SF3B3: variants seen among roughly 807,000 people sequenced by gnomAD.
The protein encoded by SF3B3 is SAP 130.
In SF3B3, 33 loss-of-function variants were observed where a neutral mutation model predicts 139.2. The ratio of observed to expected loss-of-function variants is 0.24; its 90% CI spans 0.18 to 0.32. The LOEUF (loss-of-function observed/expected upper bound fraction) is 0.32, where lower values mean the gene tolerates loss of function less well. Among genes scored for constraint, SF3B3 ranks in the 10% least tolerant of loss-of-function variants. The pLI is 1.00. For missense variants in SF3B3, 818 were observed against 1,509.4 expected (o/e 0.54, Z 7.59); for synonymous variants, 596 against 563.6 (o/e 1.06, Z -0.81).
chr16:70,534,143 C>T (rs1037286357), intron 5 of SF3B3, among the ~76,000 whole-genome samples: 1 of 152,180 alleles, frequency 6.6e-6, no homozygotes, highest in African/African-American at 2.4e-5. Context: ...TTGCTGGAGT[C>T]TCTAAGCTGA....
intron 11 of SF3B3, among the ~76,000 whole-genome samples, chr16:70,551,769 C>T (rs939243672): frequency 1.3e-4 from 20 of 152,082 alleles, no homozygotes; most frequent in Non-Finnish European, 2.8e-4. Context: ...GTCTTGAGCT[C>T]CTGAACTCAA....
At chr16:70,528,045 G>C (rs559601108) in intron 2 of SF3B3, among the ~76,000 whole-genome samples, 1 of 152,146 alleles carries the variant, frequency 6.6e-6, no homozygotes, top group East Asian at 1.9e-4. Context: ...AAAGTGCTGG[G>C]ATTACAGGCA....
chr16:70,569,288 C>T, intron 23 of SF3B3, 147 bp downstream of exon 23: 1 of 566,892 alleles, frequency 1.8e-6, no homozygotes, highest in Non-Finnish European at 3.1e-6. Flanking sequence ...TACCAATCTG[C>T]AAAAAATCTC....
intron 14 of SF3B3, chr16:70,556,566 A>T (rs1328674348): frequency 2.3e-5 from 14 of 612,740 alleles, no homozygotes; most frequent in Non-Finnish European, 4.0e-5. Flanking sequence ...TTAAGCCTCA[A>T]CTCCTTTTTT....
intron 6 of SF3B3, chr16:70,538,016 G>T (rs2050184333): frequency 1.8e-6 from 1 of 567,468 alleles, no homozygotes; most frequent in African/African-American, 1.9e-5. Context: ...AGCCTGAAAT[G>T]ATGACTCTTT....
chr16:70,538,483 AG>A (rs2050188679), intron 7 of SF3B3, 23 bp downstream of exon 7: 1 of 1,597,348 alleles, frequency 6.3e-7, no homozygotes, highest in Non-Finnish European at 8.6e-7. Flanking sequence ...TGGATGGACC[AG>A]TATAGCTACT....
chr16:70,532,437 T>G, intron 4 of SF3B3, 42 bp from the exon 5 acceptor site: 1 of 1,600,782 alleles, frequency 6.2e-7, no homozygotes, highest in Non-Finnish European at 8.5e-7. Context: ...AGATCTTCGA[T>G]TTTATGCTGA....
At position 70,544,544 on chromosome 16, in the gene SF3B3, A is replaced by G; in HGVS notation, c.1329+11A>G. 2 of 1,517,458 alleles carry G rather than the reference A, an allele frequency of 1.3e-6. No homozygotes were observed. The highest frequency in any genetic ancestry group is 2.3e-5 in the East Asian group (1 of 44,432). The allele number at this position is 1,517,458 out of a possible 1,614,324, so 94.0% of individuals were successfully genotyped here. A position where few individuals can be genotyped will look rare whatever the true frequency, so the allele number is the denominator to read the frequency against. ...AGACATGGACTTGAGGTAAGGTTGCAATTTCTAGATAATCTGCAGGGTTTG... is the reference window on the plus strand; with the variant it reads ...AGACATGGACTTGAGGTAAGGTTGCGATTTCTAGATAATCTGCAGGGTTTG... On this transcript the variant is annotated intron_variant, in intron 10 of 25. Coordinates refer to ENST00000302516, the MANE Select transcript of SF3B3 (RefSeq NM_012426.5).
In SF3B3 at chr16:70,567,434, T is replaced by C. The variant is rs777558117; in HGVS notation, c.2850T>C (p.Ala950=). The C allele has an allele frequency of 1.2e-6, 2 of 1,614,084 alleles. No individual in the cohort carries two copies. Among genetic ancestry groups the C allele is most frequent in the South Asian group, 2.2e-5 (2 of 91,064 alleles). The change falls in exon 21 of 26, where the codon GCT becomes GCC. Residue 950 remains alanine, a synonymous_variant. Coordinates refer to ENST00000302516, the MANE Select transcript of SF3B3 (RefSeq NM_012426.5). ...AGACTCCTGTGGAAGAGGTCCCTGC[T>C]GCTATTGCCCCATTCCAGGGGAGGG... ...LHKTPVEEVP[A]AIAPFQGRVL... is the part of the protein sequence containing the mutation.
In SF3B3 at chr16:70,574,583, C is replaced by T. The variant is rs2050559801; in HGVS notation, c.*2770C>T. ...GTGCGATCTCAGCCCACTGCAACCTCTATCTCCTGAGCTCAAGCGATCCTC... is the reference window on the plus strand; with the variant it reads ...GTGCGATCTCAGCCCACTGCAACCTTTATCTCCTGAGCTCAAGCGATCCTC... On this transcript the variant is annotated 3_prime_UTR_variant, in exon 26 of 26. Transcript: ENST00000302516. 1 of 152,244 alleles carries T rather than the reference C, an allele frequency of 6.6e-6. No individual in the cohort carries two copies. Among genetic ancestry groups the T allele is most frequent in the African/African-American group, 2.4e-5 (1 of 41,460 alleles). 9.4% of individuals were successfully genotyped at this position (152,244 alleles called of 1,614,324 possible). A position where few individuals can be genotyped will look rare whatever the true frequency, so the allele number is the denominator to read the frequency against.
In SF3B3 at chr16:70,569,149, T is replaced by G; in HGVS notation, c.3264+8T>G. 6.3e-7 allele frequency: 1 copy of G among 1,593,316 alleles called. No individual in the cohort carries two copies. On this transcript the variant is annotated splice_region_variant and intron_variant, in intron 23 of 25. Coordinates refer to ENST00000302516, the MANE Select transcript of SF3B3 (RefSeq NM_012426.5). ...AATGGGGCCTCCCAGAAGGTAAGAT[T>G]GCAGAATGGGCCCCAGGGAGAACAC... is the stretch of plus-strand genomic sequence containing the variant.
chr16:70,533,624 C>CTAATTGA (rs201638771), intron 5 of SF3B3, among the ~76,000 whole-genome samples: 2,031 of 152,260 alleles, frequency 0.013, 47 homozygotes, highest in African/African-American at 0.046. Context: ...ATACACGTTA[C>CTAATTGA]TAATTGATTA....
chr16:70,538,261 T>A (rs2050187272), intron 6 of SF3B3, 62 bp from the exon 7 acceptor site: 1 of 1,479,162 alleles, frequency 6.8e-7, no homozygotes. Context: ...GGTAAAGTGC[T>A]GAATTCCAGA....
rs571921472 is a variant in SF3B3, at chr16:70,576,572, G to A, written c.*4759G>A. The A allele has an allele frequency of 6.6e-6, 1 of 152,280 alleles. No individual in the cohort carries two copies. The highest frequency in any genetic ancestry group is 2.1e-4 in the South Asian group (1 of 4,832). The allele number at this position is 152,280 out of a possible 1,614,324, so 9.4% of individuals were successfully genotyped here. On this transcript the variant is annotated 3_prime_UTR_variant, in exon 26 of 26. Transcript: ENST00000302516. ...TAAGCTAGTAACACGTGATGGTCAA[G>A]GGAAGTACTACCATTTCCTGTGGGT...
At position 70,573,210 on chromosome 16, in the gene SF3B3, C is replaced by T. The variant is rs1473809270; in HGVS notation, c.*1397C>T. ...GAATCCCTAAATAACATGTTTTTTT[C>T]TCACTTAGCTCATGAATTTGCATAG... is the stretch of plus-strand genomic sequence containing the variant. On this transcript the variant is annotated 3_prime_UTR_variant, in exon 26 of 26. Transcript: ENST00000302516. 2 of 152,074 alleles carry T rather than the reference C, an allele frequency of 1.3e-5. No individual in the cohort carries two copies. The highest frequency in any genetic ancestry group is 2.9e-5 in the Non-Finnish European group (2 of 67,994). The allele number at this position is 152,074 out of a possible 1,614,324, so 9.4% of individuals were successfully genotyped here. A position where few individuals can be genotyped will look rare whatever the true frequency, so the allele number is the denominator to read the frequency against.
chr16:70,543,666 C>T (rs768854316), intron 9 of SF3B3, among the ~76,000 whole-genome samples: 10 of 151,944 alleles, frequency 6.6e-5, no homozygotes, highest in Non-Finnish European at 1.3e-4. Context: ...TTACACAGTG[C>T]CACTGTACTC....
chr16:70,546,497 C>G (rs747532380), intron 10 of SF3B3, among the ~76,000 whole-genome samples: 2 of 152,054 alleles, frequency 1.3e-5, no homozygotes, highest in Non-Finnish European at 2.9e-5. Context: ...ACTAAAACTA[C>G]AAAAATGAGC....
At chr16:70,543,923 G>A (rs2050244741) in intron 9 of SF3B3, among the ~76,000 whole-genome samples, 1 of 151,490 alleles carries the variant, frequency 6.6e-6, no homozygotes, top group Non-Finnish European at 1.5e-5. Context: ...GCACAGTTAC[G>A]ACTCACTGTA....
chr16:70,571,630 GC>G, intron 25 of SF3B3, 42 bp from the exon 26 acceptor site: 1 of 1,583,656 alleles, frequency 6.3e-7, no homozygotes. Context: ...TTTTCTTTGG[GC>G]ATCTCACCAT....
Sources: gnomAD v4.1 joint callset for allele counts (sites outside exome capture counted in the v4.1 genomes callset) on GRCh38, gnomAD v4.1.1 for gene constraint, MANE v1.5 for transcripts, NCBI Gene and HGNC (gene_info 2026-07-23, HGNC 2026-07-21) for gene names.